Variants in PTPN4 observed in about 807,000 individuals in gnomAD.
PTPN4 encodes the protein tyrosine-protein phosphatase non-receptor type 4.
Under a neutral mutation model 135.5 loss-of-function variants are expected in PTPN4, and 49 were observed. The observed-to-expected ratio is 0.36, with a 90% CI of 0.29 to 0.46. The LOEUF is 0.46. Among genes scored for constraint, PTPN4 ranks in the 20% least tolerant of loss-of-function variants. The pLI, the probability that PTPN4 is intolerant of heterozygous loss-of-function variation, is 1.00. For missense variants in PTPN4, 860 were observed against 1,101.0 expected, an observed-to-expected ratio of 0.78 and a Z score of 3.10; for synonymous variants, 333 against 369.9, an observed-to-expected ratio of 0.90 and a Z score of 1.14.
chr2:119,790,377 C>T (rs112397085), intron 1 of PTPN4, among the ~76,000 whole-genome samples: 37 of 151,874 alleles, frequency 2.4e-4, no homozygotes, highest in Admixed American at 1.0e-3. Flanking sequence ...TATTTTGGGA[C>T]GTTGTTTTTA....
intron 2 of PTPN4, among the ~76,000 whole-genome samples, chr2:119,844,351 C>T (rs1430103196): frequency 2.3e-3 from 2 of 856 alleles, no homozygotes; most frequent in Non-Finnish European, 6.4e-3. Context: ...GGGGGCTGAC[C>T]CCCCCCCCCC....
chr2:119,825,713 C>T (rs534594069), intron 2 of PTPN4, among the ~76,000 whole-genome samples: 1 of 152,090 alleles, frequency 6.6e-6, no homozygotes, highest in African/African-American at 2.4e-5. Context: ...GCAGGTTGGT[C>T]TCGAACTCCT....
At chr2:119,823,381 C>T (rs933415521) in intron 2 of PTPN4, among the ~76,000 whole-genome samples, 3 of 152,090 alleles carry the variant, frequency 2.0e-5, no homozygotes, top group Non-Finnish European at 4.4e-5. Flanking sequence ...ACTCCAGGTG[C>T]CCGCCACCAC....
intron 2 of PTPN4, among the ~76,000 whole-genome samples, chr2:119,851,214 G>T (rs1677586124): frequency 6.6e-6 from 1 of 152,172 alleles, no homozygotes; most frequent in Non-Finnish European, 1.5e-5. Flanking sequence ...GTTGTTACCG[G>T]TGGAAGGTGT....
chr2:119,948,114 A>G (rs1473796928), intron 18 of PTPN4, among the ~76,000 whole-genome samples: 1 of 152,182 alleles, frequency 6.6e-6, no homozygotes, highest in Non-Finnish European at 1.5e-5. Context: ...CAAAGATGGT[A>G]GAGATAATCC....
Position 119,879,415 on chromosome 2 carries a change from T to C in PTPN4, c.368+1873T>C, listed in dbSNP as rs12465454. On this transcript the variant is annotated intron_variant, in intron 5 of 26. Coordinates refer to ENST00000263708, the MANE Select transcript of PTPN4 (RefSeq NM_002830.4). Reference sequence around the variant, plus strand: ...TTTATAATGGAATGTTATGGAATCTTATAACTGGTATTGTTTGGTAAAATG... The same window carrying C: ...TTTATAATGGAATGTTATGGAATCTCATAACTGGTATTGTTTGGTAAAATG... 3.4e-3 allele frequency among the ~76,000 whole-genome samples: 525 copies of C among 152,350 alleles called. 7 individuals carry two copies. Among genetic ancestry groups the C allele is most frequent in the Admixed American group, 0.028 (436 of 15,300 alleles).
intron 9 of PTPN4, among the ~76,000 whole-genome samples, chr2:119,897,373 C>G (rs1290318331): frequency 1.3e-5 from 2 of 152,152 alleles, no homozygotes; most frequent in Non-Finnish European, 2.9e-5. Context: ...TTTCAAAAAT[C>G]TCAGTGTGGG....
chr2:119,760,862 T>C (rs1047060874), intron 1 of PTPN4, among the ~76,000 whole-genome samples: 11 of 98,306 alleles, frequency 1.1e-4, no homozygotes, highest in Admixed American at 7.2e-4. Context: ...TGGGAATCTG[T>C]AGTTGAGCCA....
chr2:119,912,392 C>T (rs546147020), intron 10 of PTPN4, among the ~76,000 whole-genome samples: 57 of 152,256 alleles, frequency 3.7e-4, no homozygotes, highest in African/African-American at 1.1e-3. Context: ...ATGTATGTCA[C>T]ACTTACCAAA....
intron 25 of PTPN4, among the ~76,000 whole-genome samples, chr2:119,966,074 A>G (rs1475725375): frequency 6.6e-6 from 1 of 152,202 alleles, no homozygotes; most frequent in African/African-American, 2.4e-5. Context: ...GGTTCTCATG[A>G]GGGTCTAATG....
chr2:119,915,116 C>A, intron 10 of PTPN4, 63 bp from the exon 11 acceptor site: 1 of 1,318,780 alleles, frequency 7.6e-7, no homozygotes, highest in Non-Finnish European at 1.0e-6. Context: ...AACATTTTTT[C>A]ATAATTTGTT....
At position 119,881,825 on chromosome 2, in the gene PTPN4, T is replaced by G. The variant is rs1259770926; in HGVS notation, c.408T>G (p.Thr136=). Residue 136 remains threonine (T), a synonymous_variant, in exon 6 of 27, where the codon ACT becomes ACG. Coordinates refer to ENST00000263708, the MANE Select transcript of PTPN4 (RefSeq NM_002830.4). ...TGCAAATTAAACAAGACATTCTTAC[T>G]GGAAGGTGGGCTCTTTAAATTTCTT... ...YFLQIKQDIL[T]GRLPCPSNTA... 6.4e-7 allele frequency: 1 copy of G among 1,562,082 alleles called. No individual in the cohort carries two copies. The highest frequency in any genetic ancestry group is 8.8e-7 in the Non-Finnish European group (1 of 1,141,706).
rs76797060 is a variant in PTPN4, at chr2:119,953,782, T to C, written c.1814-1375T>C. Among the ~76,000 whole-genome samples, 497 of 152,264 alleles carry C rather than the reference T, an allele frequency of 3.3e-3. 2 individuals are homozygous for C. Among genetic ancestry groups the C allele is most frequent in the African/African-American group, 0.011 (469 of 41,554 alleles). On this transcript the variant is annotated intron_variant, in intron 19 of 26. Coordinates refer to ENST00000263708, the MANE Select transcript of PTPN4 (RefSeq NM_002830.4). ...ATTATCCCCATTCTAGAGCTGAAGA[T>C]ACTTTGACACCAAGACATTCAGTTA...
intron 11 of PTPN4, among the ~76,000 whole-genome samples, chr2:119,919,719 G>T (rs1678709483): frequency 6.6e-6 from 1 of 151,580 alleles, no homozygotes; most frequent in African/African-American, 2.4e-5. Context: ...TGCTGCTCGG[G>T]AGGCTGAGGC....
intron 14 of PTPN4, among the ~76,000 whole-genome samples, chr2:119,933,721 A>T (rs1424825962): frequency 1.3e-5 from 2 of 152,114 alleles, no homozygotes; most frequent in Non-Finnish European, 2.9e-5. Flanking sequence ...TCAGCTGAAG[A>T]ATAAAGTTCT....
At chr2:119,915,360 G>A in intron 11 of PTPN4, 118 bp downstream of exon 11, 2 of 717,204 alleles carry the variant, frequency 2.8e-6, no homozygotes, top group Non-Finnish European at 4.3e-6. Context: ...GTGGATAACT[G>A]CCCGCTGAGG....
At chr2:119,912,993 G>A (rs1306362740) in intron 10 of PTPN4, among the ~76,000 whole-genome samples, 1 of 151,866 alleles carries the variant, frequency 6.6e-6, no homozygotes, top group East Asian at 1.9e-4. Context: ...TGTACTGTGT[G>A]GTCTTTTGTG....
intron 26 of PTPN4, among the ~76,000 whole-genome samples, chr2:119,975,167 A>T (rs945833622): frequency 1.3e-5 from 2 of 152,208 alleles, no homozygotes; most frequent in Non-Finnish European, 2.9e-5. Context: ...GCTGGTTTGC[A>T]GTAGTGTGAT....
At chr2:119,839,523 A>ATT (rs1677348298) in intron 2 of PTPN4, among the ~76,000 whole-genome samples, 1 of 152,238 alleles carries the variant, frequency 6.6e-6, no homozygotes, top group South Asian at 2.1e-4. Flanking sequence ...TGTTAAGTAT[A>ATT]TCAGAAGTAG....
Sources: allele counts gnomAD v4.1 joint callset (sites outside exome capture counted in the v4.1 genomes callset), GRCh38; gene constraint gnomAD v4.1.1; transcripts MANE v1.5; gene names NCBI Gene and HGNC (gene_info 2026-07-23, HGNC 2026-07-21).